The following DOCK3 variants were observed in gnomAD, a reference collection of about 807,000 sequenced individuals.
DOCK3 encodes dedicator of cytokinesis protein 3.
A neutral mutation model predicts 265.6 loss-of-function variants in DOCK3; 60 were observed. The ratio of observed to expected loss-of-function variants is 0.23; its 90% CI spans 0.18 to 0.28. DOCK3 has a LOEUF of 0.28. DOCK3 is among the 10% of genes least tolerant of loss of function. The probability of loss-of-function intolerance (pLI) is 1.00; values close to 1 mark genes in which losing one functional copy is unlikely to be tolerated. For synonymous variants in DOCK3, 881 were observed against 938.0 expected (o/e 0.94, Z 1.11); for missense variants, 1,981 against 2,594.3 (o/e 0.76, Z 5.14).
intron 5 of DOCK3, among the ~76,000 whole-genome samples, chr3:51,041,162 G>GTATATATATATATATA (rs1167854334): frequency 3.2e-5 from 1 of 30,880 alleles, no homozygotes; most frequent in African/African-American, 7.6e-5. Flanking sequence ...CTTACAAAAT[G>GTATATATATATATATA]TATATATATA....
intron 10 of DOCK3, among the ~76,000 whole-genome samples, chr3:51,156,418 T>G (rs2085853851): frequency 1.3e-5 from 2 of 152,220 alleles, no homozygotes; most frequent in African/African-American, 4.8e-5. Context: ...AGATGAATGG[T>G]AGATACATCA....
intron 14 of DOCK3, among the ~76,000 whole-genome samples, chr3:51,221,484 T>A (rs1489824369): frequency 6.6e-6 from 1 of 152,216 alleles, no homozygotes; most frequent in African/African-American, 2.4e-5. Flanking sequence ...CAGAGACATA[T>A]GTGGCTGACA....
chr3:51,320,133 T>C (rs2083608658), intron 32 of DOCK3, among the ~76,000 whole-genome samples: 1 of 152,094 alleles, frequency 6.6e-6, no homozygotes, highest in African/African-American at 2.4e-5. Context: ...CTCATCTCAT[T>C]GGGACTGGTT....
At position 50,675,104 on chromosome 3, in the gene DOCK3, G is replaced by A; in HGVS notation, c.-160G>A. 3.0e-6 allele frequency: 1 copy of A among 328,472 alleles called. No individual in the cohort carries two copies. Among genetic ancestry groups the A allele is most frequent in the Non-Finnish European group, 4.4e-6 (1 of 228,370 alleles). 20.3% of individuals were successfully genotyped at this position (328,472 alleles called of 1,614,324 possible). Reference sequence around the variant, plus strand: ...GCGGTCCAGACGTGGCGGGGGTGGCGGCGGCATCCCGGACGGCCTGTGAGG... The same window carrying A: ...GCGGTCCAGACGTGGCGGGGGTGGCAGCGGCATCCCGGACGGCCTGTGAGG... On this transcript the variant is annotated 5_prime_UTR_variant, in exon 1 of 53. Transcript: ENST00000266037. The surrounding 1 kb of genome is among the most constrained non-coding windows in gnomAD (Gnocchi z 6.1).
intron 5 of DOCK3, among the ~76,000 whole-genome samples, chr3:51,057,912 GA>G (rs1361028320): frequency 6.6e-6 from 1 of 152,018 alleles, no homozygotes; most frequent in Non-Finnish European, 1.5e-5. Context: ...ATTTTCTATT[GA>G]AAAAAATTGT....
chr3:51,274,449 A>G (rs1576620625), intron 24 of DOCK3, among the ~76,000 whole-genome samples: 2 of 152,218 alleles, frequency 1.3e-5, no homozygotes, highest in South Asian at 4.1e-4. Flanking sequence ...TTCACTGTAA[A>G]CTGTGCTTCT....
intron 1 of DOCK3, among the ~76,000 whole-genome samples, chr3:50,754,540 T>C (rs2040036503): frequency 6.6e-6 from 1 of 151,876 alleles, no homozygotes. Context: ...ATGGAGATAC[T>C]GCTTTTTGTT....
At chr3:50,978,141 G>A (rs2077539922) in intron 5 of DOCK3, among the ~76,000 whole-genome samples, 1 of 151,708 alleles carries the variant, frequency 6.6e-6, no homozygotes, top group Non-Finnish European at 1.5e-5. Flanking sequence ...TCTTCTCTCA[G>A]CTCGTCAAAG....
chr3:51,344,366 A>G (rs2085425924), intron 38 of DOCK3, among the ~76,000 whole-genome samples: 1 of 152,198 alleles, frequency 6.6e-6, no homozygotes, highest in Non-Finnish European at 1.5e-5. Context: ...CACGCCTGCA[A>G]TCCCAACACT....
At chr3:50,985,566 A>C (rs1228510535) in intron 5 of DOCK3, among the ~76,000 whole-genome samples, 3 of 152,136 alleles carry the variant, frequency 2.0e-5, no homozygotes, top group Non-Finnish European at 2.9e-5. Flanking sequence ...TCAATAGTAC[A>C]TATTTATTTG....
intron 9 of DOCK3, among the ~76,000 whole-genome samples, chr3:51,141,124 G>C (rs1158125324): frequency 2.0e-5 from 3 of 150,882 alleles, no homozygotes; most frequent in African/African-American, 7.3e-5. Flanking sequence ...TGTGCTGTTG[G>C]TGTCCTTCCT....
chr3:50,753,784 CTGA>C (rs2039984691), intron 1 of DOCK3, among the ~76,000 whole-genome samples: 1 of 152,160 alleles, frequency 6.6e-6, no homozygotes, highest in Non-Finnish European at 1.5e-5. Flanking sequence ...TAAAGTACTT[CTGA>C]TGATGGTTAG....
chr3:51,034,028 C>T (rs542812133), intron 5 of DOCK3, among the ~76,000 whole-genome samples: 4 of 152,166 alleles, frequency 2.6e-5, no homozygotes, highest in South Asian at 2.1e-4. Context: ...AATGTCTTAT[C>T]GTTCTTAGTA....
Position 50,867,204 on chromosome 3 carries a change from T to C in DOCK3, c.163-22822T>C, listed in dbSNP as rs9827832. The stretch of plus-strand genomic sequence containing the variant: ...GTGTGGTTATTGTAAAGAAAATTAC[T>C]TTTTGAGTTTCTTTTTTAGATTGTT... On this transcript the variant is annotated intron_variant, in intron 3 of 52. Transcript: ENST00000266037. 9.0e-3 allele frequency among the ~76,000 whole-genome samples: 1,375 copies of C among 152,324 alleles called. 19 individuals are homozygous for C. Among genetic ancestry groups the C allele is most frequent in the African/African-American group, 0.03 (1,249 of 41,588 alleles).
intron 1 of DOCK3, among the ~76,000 whole-genome samples, chr3:50,766,913 C>A (rs181266618): frequency 8.5e-5 from 13 of 152,116 alleles, no homozygotes; most frequent in South Asian, 2.1e-4. Context: ...TGGCTGCATA[C>A]ATGTCTTCTT....
At chr3:51,285,803 C>T (rs1387588409) in intron 27 of DOCK3, among the ~76,000 whole-genome samples, 5 of 151,846 alleles carry the variant, frequency 3.3e-5, no homozygotes, top group African/African-American at 1.2e-4. Context: ...GGTGTGGTGG[C>T]GGGCGCCTGT....
In DOCK3 at chr3:50,763,627, A is replaced by G. The variant is rs796295519; in HGVS notation, c.38-15048A>G. Among the ~76,000 whole-genome samples, 5 of 152,244 alleles carry G rather than the reference A, an allele frequency of 3.3e-5. No homozygotes were observed. The South Asian group carries it at 1.0e-3, about 32-fold the overall frequency. ...GTTTTGATCATATGTTTCATTTTAGAAATTTGTCCATTTACTCTAGCTTAT... is the reference window on the plus strand; with the variant it reads ...GTTTTGATCATATGTTTCATTTTAGGAATTTGTCCATTTACTCTAGCTTAT... On this transcript the variant is annotated intron_variant, in intron 1 of 52. Coordinates refer to ENST00000266037, the MANE Select transcript of DOCK3 (RefSeq NM_004947.5).
At chr3:51,270,389 T>C (rs2108870521) in intron 23 of DOCK3, among the ~76,000 whole-genome samples, 1 of 152,350 alleles carries the variant, frequency 6.6e-6, no homozygotes, top group East Asian at 1.9e-4. Context: ...CTGGTGCTGC[T>C]TGAAGGAACT....
In DOCK3 at chr3:51,312,908, T is replaced by A; in HGVS notation, c.3253+6T>A. 1 of 1,601,864 alleles carries A rather than the reference T, an allele frequency of 6.2e-7. No homozygotes were observed. Among genetic ancestry groups the A allele is most frequent in the Non-Finnish European group, 8.5e-7 (1 of 1,173,682 alleles). On this transcript the variant is annotated splice_donor_region_variant and intron_variant, in intron 31 of 52. Coordinates refer to ENST00000266037, the MANE Select transcript of DOCK3 (RefSeq NM_004947.5). ...CAGCATGTGGCAGAATTTGGGTAGG[T>A]TTTTTCTCCCTATTCTTCCCTTCTA...
Sources: allele counts gnomAD v4.1 joint callset (sites outside exome capture counted in the v4.1 genomes callset), GRCh38; gene constraint gnomAD v4.1.1; non-coding constraint Gnocchi (gnomAD v3.1); transcripts MANE v1.5; gene names NCBI Gene and HGNC (gene_info 2026-07-23, HGNC 2026-07-21).